LIN9: variants seen among roughly 807,000 people sequenced by gnomAD.
The protein encoded by LIN9 is lin-9 DREAM MuvB core complex component, also known as protein lin-9 homolog.
A neutral mutation model predicts 78.0 loss-of-function variants in LIN9; 18 were observed. The ratio of observed to expected loss-of-function variants is 0.23; its 90% confidence interval spans 0.16 to 0.34. LIN9 has a LOEUF of 0.34. Among genes scored for constraint, LIN9 ranks in the 10% least tolerant of loss-of-function variants. The pLI is 1.00. For synonymous variants in LIN9, 192 were observed against 215.2 expected (o/e 0.89, Z 0.94); for missense variants, 451 against 644.1 (o/e 0.70, Z 3.25).
At chr1:226,292,147 A>G (rs1199279018) in intron 4 of LIN9, among the ~76,000 whole-genome samples, 2 of 152,068 alleles carry the variant, frequency 1.3e-5, no homozygotes, top group African/African-American at 4.8e-5. Context: ...AATAGATTCA[A>G]ATTGTTAGAG....
chr1:226,296,017 T>C (rs1219132499), intron 3 of LIN9, 71 bp from the exon 4 acceptor site: 7 of 1,025,310 alleles, frequency 6.8e-6, no homozygotes, highest in Non-Finnish European at 1.0e-5. Context: ...TACAATTCTA[T>C]ACTTGGAAAA....
chr1:226,237,562 G>A (rs1276449577), intron 12 of LIN9, among the ~76,000 whole-genome samples: 1 of 150,642 alleles, frequency 6.6e-6, no homozygotes, highest in Non-Finnish European at 1.5e-5. Flanking sequence ...AACCTGGGAG[G>A]CAGAGGTTGC....
chr1:226,265,725 G>A lies in LIN9; in HGVS notation c.937-91C>T, dbSNP rs570910256. On this transcript the variant is annotated intron_variant, in intron 9 of 14. Coordinates refer to ENST00000681046, the MANE Select transcript of LIN9 (RefSeq NM_001366245.2). The surrounding 1 kb of genome is among the most constrained non-coding windows in gnomAD (Gnocchi z 4.1). ...TTTATTTTTTTTTAGACGGAGTCTCGCTCTGTTGCCACTTGTGATCTCGGC... is the reference window on the plus strand; with the variant it reads ...TTTATTTTTTTTTAGACGGAGTCTCACTCTGTTGCCACTTGTGATCTCGGC... 3 of 656,986 alleles carry A rather than the reference G, an allele frequency of 4.6e-6. No individual in the cohort carries two copies. The highest frequency in any genetic ancestry group is 1.9e-5 in the African/African-American group (1 of 53,154). 40.7% of individuals were successfully genotyped at this position (656,986 alleles called of 1,614,324 possible). A position where few individuals can be genotyped will look rare whatever the true frequency, so the allele number is the denominator to read the frequency against.
chr1:226,305,399 C>G (rs553156215), intron 1 of LIN9, among the ~76,000 whole-genome samples: 1 of 146,416 alleles, frequency 6.8e-6, no homozygotes, highest in Non-Finnish European at 1.5e-5. Context: ...AGACTGATGC[C>G]GGAGGATCTC....
intron 6 of LIN9, among the ~76,000 whole-genome samples, chr1:226,283,765 T>C (rs930132568): frequency 6.6e-6 from 1 of 152,044 alleles, no homozygotes; most frequent in African/African-American, 2.4e-5. Context: ...CTGACCAACA[T>C]GGTGAAACCC....
intron 12 of LIN9, 54 bp downstream of exon 12, chr1:226,238,917 A>G: frequency 6.4e-7 from 1 of 1,557,754 alleles, no homozygotes; most frequent in South Asian, 1.2e-5. Context: ...TGTGAAAGTA[A>G]AAGGATTAAG....
At chr1:226,267,101 G>C (rs1257609868) in intron 8 of LIN9, among the ~76,000 whole-genome samples, 1 of 151,688 alleles carries the variant, frequency 6.6e-6, no homozygotes, top group Non-Finnish European at 1.5e-5. Flanking sequence ...TTTGAAAGGA[G>C]AGTTTAAAGC....
intron 5 of LIN9, among the ~76,000 whole-genome samples, chr1:226,287,318 C>CT (rs1356469424): frequency 1.3e-5 from 2 of 152,194 alleles, no homozygotes; most frequent in African/African-American, 4.8e-5. Flanking sequence ...AATGGTTTCT[C>CT]TATGATTATA....
At chr1:226,297,547 T>A (rs1038433505) in intron 3 of LIN9, among the ~76,000 whole-genome samples, 172 bp downstream of exon 3, 13 of 152,236 alleles carry the variant, frequency 8.5e-5, no homozygotes, top group Non-Finnish European at 2.9e-5. Context: ...GACCAGATTA[T>A]CACTGGGTAC....
At chr1:226,246,762 CAGCCTGGGTGACAGAGCG>C (rs1658503913) in intron 11 of LIN9, among the ~76,000 whole-genome samples, 1 of 145,664 alleles carries the variant, frequency 6.9e-6, no homozygotes, top group South Asian at 2.2e-4. Flanking sequence ...CACTGCACTC[CAGCCTGGGTGACAGAGCG>C]AGACTCTGTC....
chr1:226,298,255 C>G (rs563707934), intron 2 of LIN9, among the ~76,000 whole-genome samples: 1 of 152,232 alleles, frequency 6.6e-6, no homozygotes, highest in Non-Finnish European at 1.5e-5. Context: ...ATCGCCCAGG[C>G]TGGAGTGCAG....
At chr1:226,279,698 C>G (rs1213656329) in intron 6 of LIN9, among the ~76,000 whole-genome samples, 1 of 143,566 alleles carries the variant, frequency 7.0e-6, no homozygotes, top group African/African-American at 2.6e-5. Context: ...TTGTTTGAGC[C>G]TGGGAGACAG....
intron 4 of LIN9, among the ~76,000 whole-genome samples, chr1:226,289,976 A>G (rs1661647725): frequency 6.6e-6 from 1 of 152,082 alleles, no homozygotes; most frequent in Non-Finnish European, 1.5e-5. Flanking sequence ...ATTTTAGTGT[A>G]GAAAAGGTCT....
At chr1:226,270,076 C>T (rs1660170036) in intron 7 of LIN9, among the ~76,000 whole-genome samples, 1 of 152,142 alleles carries the variant, frequency 6.6e-6, no homozygotes, top group South Asian at 2.1e-4. Flanking sequence ...GTGCCCGCCA[C>T]CACACCCGGC....
intron 14 of LIN9, 133 bp from the exon 15 acceptor site, chr1:226,232,739 TA>T: frequency 1.8e-6 from 1 of 556,192 alleles, no homozygotes; most frequent in Non-Finnish European, 3.1e-6. Flanking sequence ...TCCTCTAATA[TA>T]TTAGCCATAA....
chr1:226,285,059 C>A (rs2102621173), intron 6 of LIN9, among the ~76,000 whole-genome samples: 1 of 152,118 alleles, frequency 6.6e-6, no homozygotes, highest in East Asian at 1.9e-4. Flanking sequence ...TATTAATTAA[C>A]CTTGATGAAT....
chr1:226,272,930 T>G (rs963939936), intron 7 of LIN9, among the ~76,000 whole-genome samples: 3 of 152,058 alleles, frequency 2.0e-5, no homozygotes, highest in African/African-American at 7.2e-5. Context: ...TCAAACTGTC[T>G]TTTTCTCAAT....
intron 6 of LIN9, among the ~76,000 whole-genome samples, chr1:226,280,969 A>G (rs1661010997): frequency 6.6e-6 from 1 of 152,228 alleles, no homozygotes; most frequent in Non-Finnish European, 1.5e-5. Flanking sequence ...CTGTACTCCC[A>G]TGTTTATTGT....
rs750923240 is a variant in LIN9, at chr1:226,275,487, A to G, written c.682+2288T>C. ...GAGGCGGGTGGATTATGAGGTCAGG[A>G]GTTCGAGACCAGCCTGACCAATATG... On this transcript the variant is annotated intron_variant, in intron 7 of 14. Coordinates refer to ENST00000681046, the MANE Select transcript of LIN9 (RefSeq NM_001366245.2). 1.3e-3 allele frequency among the ~76,000 whole-genome samples: 199 copies of G among 150,968 alleles called. 2 individuals carry two copies. Among genetic ancestry groups the G allele is most frequent in the Non-Finnish European group, 1.8e-3 (122 of 67,784 alleles).
Sources: allele counts gnomAD v4.1 joint callset (sites outside exome capture counted in the v4.1 genomes callset), GRCh38; gene constraint gnomAD v4.1.1; non-coding constraint Gnocchi (gnomAD v3.1); transcripts MANE v1.5; gene names NCBI Gene and HGNC (gene_info 2026-07-23, HGNC 2026-07-21).